Variants in SSBP2 observed in about 807,000 individuals in gnomAD.
The protein encoded by SSBP2 is single-stranded DNA-binding protein 2.
A neutral mutation model predicts 61.8 loss-of-function variants in SSBP2; 17 were observed. That is an observed-to-expected ratio of 0.28 (90% CI 0.19 to 0.41). The LOEUF is 0.41. Among genes scored for constraint, SSBP2 ranks in the 10% least tolerant of loss-of-function variants. The pLI is 1.00. For synonymous variants in SSBP2, 139 were observed against 141.3 expected (o/e 0.98, Z 0.12); for missense variants, 310 against 458.7 (o/e 0.68, Z 2.96).
intron 4 of SSBP2, among the ~76,000 whole-genome samples, chr5:81,546,165 A>G (rs1771716745): frequency 6.6e-6 from 1 of 152,238 alleles, no homozygotes; most frequent in Non-Finnish European, 1.5e-5. Context: ...AATCATTATA[A>G]TAGCAATGAA....
At position 81,607,040 on chromosome 5, in the gene SSBP2, G is replaced by A. The variant is rs561391839; in HGVS notation, c.282+8433C>T. On this transcript the variant is annotated intron_variant, in intron 4 of 16. Transcript: ENST00000320672. ...TTTCTAATATACACGCTGAATTAAG[G>A]TGTACTATTGTAAAGAAGATAGAAG... Among the ~76,000 whole-genome samples the A allele has an allele frequency of 3.9e-5, 6 of 152,266 alleles. No individual in the cohort carries two copies. In the East Asian group the frequency reaches 9.6e-4, roughly 24 times the overall value.
chr5:81,713,476 T>A (rs376511750), intron 1 of SSBP2, among the ~76,000 whole-genome samples: 2 of 152,196 alleles, frequency 1.3e-5, no homozygotes, highest in Non-Finnish European at 2.9e-5. Flanking sequence ...AAAAAGTTTA[T>A]GTGTTTCTGC....
Position 81,420,312 on chromosome 5 carries a change from G to T in SSBP2, c.*192C>A. 1.6e-6 allele frequency: 1 copy of T among 611,012 alleles called. No individual in the cohort carries two copies. 37.8% of individuals were successfully genotyped at this position (611,012 alleles called of 1,614,324 possible). ...TAGGGCAATTCTAATATGCCACTCCGTACAGTTGTTTGAATCACATTTGGA... is the reference window on the plus strand; with the variant it reads ...TAGGGCAATTCTAATATGCCACTCCTTACAGTTGTTTGAATCACATTTGGA... On this transcript the variant is annotated 3_prime_UTR_variant, in exon 17 of 17. Coordinates refer to ENST00000320672, the MANE Select transcript of SSBP2 (RefSeq NM_012446.5).
intron 4 of SSBP2, among the ~76,000 whole-genome samples, chr5:81,532,978 T>C (rs976435706): frequency 2.6e-5 from 4 of 151,936 alleles, no homozygotes; most frequent in Non-Finnish European, 4.4e-5. Context: ...CAACCGATAG[T>C]AGACAGAAAA....
chr5:81,693,560 A>G (rs1238032326), intron 1 of SSBP2, among the ~76,000 whole-genome samples: 1 of 152,244 alleles, frequency 6.6e-6, no homozygotes, highest in Non-Finnish European at 1.5e-5. Flanking sequence ...ACAAATGGCA[A>G]ACAGGCATAT....
At chr5:81,622,885 G>A (rs556655402) in intron 3 of SSBP2, among the ~76,000 whole-genome samples, 1 of 152,244 alleles carries the variant, frequency 6.6e-6, no homozygotes, top group South Asian at 2.1e-4. Context: ...GGAAAAACGT[G>A]AAAAACTGCG....
At chr5:81,453,825 A>C (rs1763948251) in intron 10 of SSBP2, among the ~76,000 whole-genome samples, 1 of 152,196 alleles carries the variant, frequency 6.6e-6, no homozygotes, top group African/African-American at 2.4e-5. Context: ...AAAGTAAATA[A>C]AAAAGTAATA....
At chr5:81,681,313 A>C (rs1752359992) in intron 1 of SSBP2, among the ~76,000 whole-genome samples, 1 of 152,130 alleles carries the variant, frequency 6.6e-6, no homozygotes, top group African/African-American at 2.4e-5. Context: ...TGAGGTCAGG[A>C]CTTTAGGACC....
chr5:81,716,014 AC>A (rs1755142710), intron 1 of SSBP2, among the ~76,000 whole-genome samples: 1 of 151,970 alleles, frequency 6.6e-6, no homozygotes, highest in Non-Finnish European at 1.5e-5. Flanking sequence ...CTATGATCGC[AC>A]CACTGCACTT....
In SSBP2 at chr5:81,417,231, A is replaced by T. The variant is rs1761344940; in HGVS notation, c.*3273T>A. The T allele has an allele frequency of 6.6e-6, 1 of 152,196 alleles. No individual in the cohort carries two copies. The highest frequency in any genetic ancestry group is 1.5e-5 in the Non-Finnish European group (1 of 68,044). The allele number at this position is 152,196 out of a possible 1,614,324, so 9.4% of individuals were successfully genotyped here. A position where few individuals can be genotyped will look rare whatever the true frequency, so the allele number is the denominator to read the frequency against. On this transcript the variant is annotated 3_prime_UTR_variant, in exon 17 of 17. Transcript: ENST00000320672. Reference sequence around the variant, plus strand: ...TTATCAGCAACTGACTCCATACTGGAACATTTTCAAAGGAGTGCTAATAAG... The same window carrying T: ...TTATCAGCAACTGACTCCATACTGGTACATTTTCAAAGGAGTGCTAATAAG...
At chr5:81,456,662 C>T (rs989774117) in intron 10 of SSBP2, among the ~76,000 whole-genome samples, 1 of 151,454 alleles carries the variant, frequency 6.6e-6, no homozygotes, top group African/African-American at 2.4e-5. Flanking sequence ...AATCTGAGAC[C>T]AATACTGTAA....
At chr5:81,502,424 T>C (rs146922064) in intron 5 of SSBP2, among the ~76,000 whole-genome samples, 5 of 152,320 alleles carry the variant, frequency 3.3e-5, no homozygotes, top group African/African-American at 1.2e-4. Context: ...GATCCATCAT[T>C]GCACAGCTTC....
chr5:81,475,594 A>C (rs1354528955), intron 6 of SSBP2, among the ~76,000 whole-genome samples: 1 of 152,124 alleles, frequency 6.6e-6, no homozygotes. Context: ...ACTTCCAGCC[A>C]TATCAAACTT....
At chr5:81,678,190 A>C (rs2153807867) in intron 1 of SSBP2, among the ~76,000 whole-genome samples, 1 of 152,326 alleles carries the variant, frequency 6.6e-6, no homozygotes, top group Middle Eastern at 3.4e-3. Flanking sequence ...CAGATGGATA[A>C]TGTAAGAAGA....
chr5:81,538,125 A>T (rs2973348), intron 4 of SSBP2, among the ~76,000 whole-genome samples: 34,326 of 152,140 alleles, frequency 0.23, 4,961 homozygotes, highest in Middle Eastern at 0.37. Flanking sequence ...CAAACAGTCA[A>T]GTTGTGAATG....
intron 4 of SSBP2, among the ~76,000 whole-genome samples, chr5:81,559,168 A>T (rs1013949548): frequency 6.6e-6 from 1 of 152,060 alleles, no homozygotes; most frequent in South Asian, 2.1e-4. Flanking sequence ...CAGGTGGATC[A>T]TGAGGTCAGG....
intron 10 of SSBP2, among the ~76,000 whole-genome samples, chr5:81,455,782 ACTT>A (rs1764104252): frequency 2.0e-5 from 3 of 152,184 alleles, no homozygotes; most frequent in African/African-American, 7.2e-5. Context: ...AATTTGAAGA[ACTT>A]ATTATTTGAC....
chr5:81,595,924 C>G (rs1743696066), intron 4 of SSBP2, among the ~76,000 whole-genome samples: 1 of 152,176 alleles, frequency 6.6e-6, no homozygotes, highest in Non-Finnish European at 1.5e-5. Context: ...AAACTGGAAG[C>G]ATTCCCTTTG....
intron 4 of SSBP2, among the ~76,000 whole-genome samples, chr5:81,521,705 G>T (rs937005663): frequency 2.0e-5 from 3 of 151,794 alleles, no homozygotes; most frequent in Admixed American, 6.6e-5. Flanking sequence ...TAAATTACTT[G>T]CCTGGAATAA....
Sources: allele counts gnomAD v4.1 joint callset (sites outside exome capture counted in the v4.1 genomes callset), GRCh38; gene constraint gnomAD v4.1.1; transcripts MANE v1.5; gene names NCBI Gene and HGNC (gene_info 2026-07-23, HGNC 2026-07-21).